EYS: variants seen among roughly 807,000 people sequenced by gnomAD.
The protein encoded by EYS is EGF-like photoreceptor maintenance factor, also known as protein eyes shut homolog.
EYS carries 250 observed loss-of-function variants against 282.1 expected under a neutral mutation model. That is an observed-to-expected ratio of 0.89 (90% CI 0.80 to 0.98). The LOEUF (loss-of-function observed/expected upper bound fraction) is 0.98, where lower values mean the gene tolerates loss of function less well. Among genes scored for constraint, EYS ranks in the 50% least tolerant of loss-of-function variants. The pLI is 0.00. For synonymous variants in EYS, 1,355 were observed against 1,282.9 expected (o/e 1.06, Z -1.20); for missense variants, 4,016 against 3,709.0 (o/e 1.08, Z -2.15).
intron 19 of EYS, among the ~76,000 whole-genome samples, chr6:64,826,234 T>A (rs1765051713): frequency 6.6e-6 from 1 of 151,930 alleles, no homozygotes; most frequent in Non-Finnish European, 1.5e-5. Flanking sequence ...CAAAATCTAA[T>A]GATTTCATTA....
intron 12 of EYS, among the ~76,000 whole-genome samples, chr6:65,131,239 T>A (rs1386139370): frequency 6.6e-6 from 1 of 151,658 alleles, no homozygotes; most frequent in African/African-American, 2.4e-5. Flanking sequence ...AACTATAAAG[T>A]AAGTAAGGGG....
rs116407702 is a variant in EYS, at chr6:65,171,404, C to A, written c.2024-113677G>T. 7.0e-3 allele frequency among the ~76,000 whole-genome samples: 1,062 copies of A among 151,588 alleles called. 14 individuals are homozygous for A. Among genetic ancestry groups the A allele is most frequent in the African/African-American group, 0.024 (1,009 of 41,448 alleles). ...TTGCTGATCTTCTTCAGAGGCTAAA[C>A]CTTTACTTAACTTTTCAATGCTTAC... On this transcript the variant is annotated intron_variant, in intron 12 of 42. Transcript: ENST00000503581.
At chr6:64,032,636 A>T (rs117992215) in intron 33 of EYS, among the ~76,000 whole-genome samples, 1 of 152,152 alleles carries the variant, frequency 6.6e-6, no homozygotes, top group Non-Finnish European at 1.5e-5. Context: ...TTACCTATAC[A>T]TTTGTCTGGC....
chr6:65,190,339 A>T (rs182178007), intron 12 of EYS, among the ~76,000 whole-genome samples: 2 of 148,836 alleles, frequency 1.3e-5, no homozygotes, highest in East Asian at 3.9e-4. Context: ...TATATTTTAT[A>T]TGAAATATAT....
chr6:65,005,836 C>T (rs539904380), intron 13 of EYS, among the ~76,000 whole-genome samples: 16 of 152,358 alleles, frequency 1.1e-4, no homozygotes, highest in African/African-American at 3.8e-4. Context: ...GAAGTCTCTA[C>T]CCAGCAGTCG....
intron 22 of EYS, among the ~76,000 whole-genome samples, chr6:64,722,802 T>C (rs112867334): frequency 2.4e-4 from 37 of 152,282 alleles, no homozygotes; most frequent in African/African-American, 7.0e-4. Context: ...TTTAAACAAA[T>C]CTAAAAAGTG....
chr6:65,013,075 G>A (rs983949896), intron 13 of EYS, among the ~76,000 whole-genome samples: 1 of 152,052 alleles, frequency 6.6e-6, no homozygotes, highest in African/African-American at 2.4e-5. Context: ...ATCTACTCAT[G>A]CAGAAAAAAT....
At chr6:63,991,577 G>A (rs1582092011) in intron 34 of EYS, among the ~76,000 whole-genome samples, 2 of 151,612 alleles carry the variant, frequency 1.3e-5, no homozygotes, top group Admixed American at 1.3e-4. Context: ...ATTCATTACA[G>A]AATTTCAACG....
At chr6:65,055,027 G>T (rs1446994886) in intron 13 of EYS, among the ~76,000 whole-genome samples, 1 of 151,862 alleles carries the variant, frequency 6.6e-6, no homozygotes, top group African/African-American at 2.4e-5. Flanking sequence ...TGTCACTCAG[G>T]CTGGGCTGCA....
intron 8 of EYS, among the ~76,000 whole-genome samples, chr6:65,383,975 G>C (rs1765710606): frequency 6.6e-6 from 1 of 151,744 alleles, no homozygotes. Context: ...ACCATGTGTA[G>C]TACAGACATT....
intron 34 of EYS, among the ~76,000 whole-genome samples, chr6:63,987,806 G>GT (rs1394141177): frequency 6.6e-6 from 1 of 151,630 alleles, no homozygotes; most frequent in African/African-American, 2.4e-5. Context: ...GGAGGACAGT[G>GT]TGAGAGATGC....
intron 12 of EYS, among the ~76,000 whole-genome samples, chr6:65,193,216 G>A (rs1045336280): frequency 4.0e-5 from 6 of 151,826 alleles, no homozygotes; most frequent in Non-Finnish European, 8.8e-5. Flanking sequence ...CTATTTTGCA[G>A]ATGAGAAAGC....
At chr6:63,966,940 T>C (rs1198299614) in intron 35 of EYS, among the ~76,000 whole-genome samples, 1 of 152,218 alleles carries the variant, frequency 6.6e-6, no homozygotes, top group East Asian at 1.9e-4. Flanking sequence ...TAGACAGTAC[T>C]AGGACTTTTA....
intron 33 of EYS, among the ~76,000 whole-genome samples, chr6:64,012,179 C>A (rs1344274374): frequency 6.6e-6 from 1 of 152,050 alleles, no homozygotes; most frequent in African/African-American, 2.4e-5. Flanking sequence ...TAATAGTTTG[C>A]CTTAATGTAT....
intron 22 of EYS, among the ~76,000 whole-genome samples, chr6:64,678,449 G>A (rs1221338045): frequency 2.0e-5 from 3 of 151,960 alleles, no homozygotes; most frequent in Non-Finnish European, 2.9e-5. Flanking sequence ...ATGGTGGCAC[G>A]TTCCTGTATT....
rs142166990 is a variant in EYS at position 63,825,726 on chromosome 6, A to G, written c.7229-19354T>C. 3.3e-4 allele frequency among the ~76,000 whole-genome samples: 51 copies of G among 152,326 alleles called. No homozygotes were observed. The East Asian group carries it at 9.3e-3, about 28-fold the overall frequency. ...CTACATCAAGGAAACACCCCATGGGACAAAATGATCTGAACAACAGCCTTC... is the reference window on the plus strand; with the variant it reads ...CTACATCAAGGAAACACCCCATGGGGCAAAATGATCTGAACAACAGCCTTC... On this transcript the variant is annotated intron_variant, in intron 36 of 42. Coordinates refer to ENST00000503581, the MANE Select transcript of EYS (RefSeq NM_001142800.2).
chr6:64,171,677 T>C (rs1327944740), intron 31 of EYS, among the ~76,000 whole-genome samples: 2 of 152,172 alleles, frequency 1.3e-5, no homozygotes, highest in South Asian at 2.1e-4. Flanking sequence ...CTGGCCTAAG[T>C]GATAACAGAA....
At chr6:64,627,958 T>C (rs1004537531) in intron 22 of EYS, among the ~76,000 whole-genome samples, 1 of 152,100 alleles carries the variant, frequency 6.6e-6, no homozygotes, top group Non-Finnish European at 1.5e-5. Context: ...CGGGCTTCTG[T>C]AGTCCCAGCT....
chr6:64,119,452 A>G (rs1256566602), intron 31 of EYS, among the ~76,000 whole-genome samples: 1 of 152,188 alleles, frequency 6.6e-6, no homozygotes, highest in African/African-American at 2.4e-5. Flanking sequence ...ACTATATTCA[A>G]TTTGCTAGAA....
Sources: gnomAD v4.1 joint callset for allele counts (sites outside exome capture counted in the v4.1 genomes callset) on GRCh38, gnomAD v4.1.1 for gene constraint, MANE v1.5 for transcripts, NCBI Gene and HGNC (gene_info 2026-07-23, HGNC 2026-07-21) for gene names.